The following TYR variants were observed in gnomAD, a reference collection of about 807,000 sequenced individuals.
TYR encodes tyrosinase.
A neutral mutation model predicts 51.5 loss-of-function variants in TYR; 58 were observed. The ratio of observed to expected loss-of-function variants is 1.13; its 90% CI spans 0.91 to 1.40. TYR has a LOEUF of 1.40. TYR is among the 40% of genes most tolerant of loss of function. The probability of loss-of-function intolerance (pLI) is 0.00; values close to 1 mark genes in which losing one functional copy is unlikely to be tolerated. For missense variants in TYR, 732 were observed against 647.4 expected (o/e 1.13, Z -1.42); for synonymous variants, 263 against 235.2 (o/e 1.12, Z -1.08).
At chr11:89,261,783 A>T (rs1410468438) in intron 3 of TYR, among the ~76,000 whole-genome samples, 1 of 152,124 alleles carries the variant, frequency 6.6e-6, no homozygotes, top group Non-Finnish European at 1.5e-5. Flanking sequence ...ATTTTCCAGG[A>T]TTAATTACAT....
At chr11:89,192,664 A>G (rs561417356) in intron 2 of TYR, among the ~76,000 whole-genome samples, 1 of 152,256 alleles carries the variant, frequency 6.6e-6, no homozygotes, top group Non-Finnish European at 1.5e-5. Context: ...CTAAAGATGA[A>G]TTCTGTTTTC....
intron 3 of TYR, among the ~76,000 whole-genome samples, chr11:89,252,887 G>A (rs1352127050): frequency 6.6e-6 from 1 of 151,688 alleles, no homozygotes; most frequent in Non-Finnish European, 1.5e-5. Flanking sequence ...TATAGAAACA[G>A]TCTCATACAG....
intron 1 of TYR, among the ~76,000 whole-genome samples, chr11:89,186,408 C>T (rs1458353546): frequency 7.2e-5 from 11 of 152,126 alleles, no homozygotes; most frequent in Non-Finnish European, 1.6e-4. Flanking sequence ...ATGCATCCTG[C>T]AGACCTTTTG....
chr11:89,178,021 C>A lies in TYR; in HGVS notation c.68C>A (p.Ala23Asp). The change falls in exon 1 of 5, where the codon GCC becomes GAC. Residue 23 changes from alanine to aspartate, a missense_variant. Transcript: ENST00000263321. ...ACCTCCGCTGGCCATTTCCCTAGAG[C>A]CTGTGTCTCCTCTAAGAACCTGATG... ...FQTSAGHFPR[A>D]CVSSKNLMEK... 6.2e-7 allele frequency: 1 copy of A among 1,614,182 alleles called. No individual in the cohort carries two copies.
chr11:89,219,915 A>C (rs965815819), intron 2 of TYR, among the ~76,000 whole-genome samples: 2 of 152,202 alleles, frequency 1.3e-5, no homozygotes, highest in Non-Finnish European at 2.9e-5. Flanking sequence ...GGATATGACA[A>C]GAATTAAAGG....
At chr11:89,196,532 T>C (rs1250285035) in intron 2 of TYR, among the ~76,000 whole-genome samples, 1 of 152,172 alleles carries the variant, frequency 6.6e-6, no homozygotes, top group Non-Finnish European at 1.5e-5. Flanking sequence ...GCTGACAGAC[T>C]GATAAATCAA....
At chr11:89,189,014 C>T (rs543781509) in intron 1 of TYR, among the ~76,000 whole-genome samples, 2 of 152,186 alleles carry the variant, frequency 1.3e-5, no homozygotes, top group South Asian at 2.1e-4. Flanking sequence ...GAACAACATC[C>T]TGTTGTCAGC....
At chr11:89,217,116 T>C (rs375097514) in intron 2 of TYR, among the ~76,000 whole-genome samples, 3 of 152,214 alleles carry the variant, frequency 2.0e-5, no homozygotes, top group African/African-American at 7.2e-5. Flanking sequence ...TCTGTCACAG[T>C]GTTGTTTTAA....
chr11:89,242,994 GC>G (rs1944219096), intron 3 of TYR, among the ~76,000 whole-genome samples: 1 of 152,140 alleles, frequency 6.6e-6, no homozygotes, highest in Admixed American at 6.6e-5. Flanking sequence ...ACCTTTGTCA[GC>G]GTGTTGGAAG....
chr11:89,288,049 G>C (rs774318529), intron 4 of TYR, among the ~76,000 whole-genome samples: 6 of 151,908 alleles, frequency 3.9e-5, no homozygotes, highest in Non-Finnish European at 8.8e-5. Context: ...AGCAAAGAAA[G>C]ACATGGAGGA....
chr11:89,287,539 C>G (rs1258937364), intron 4 of TYR, among the ~76,000 whole-genome samples: 1 of 151,836 alleles, frequency 6.6e-6, no homozygotes, highest in Non-Finnish European at 1.5e-5. Flanking sequence ...AAGATCTTAA[C>G]TGCTTGCTGA....
chr11:89,224,033 C>A (rs1346516617), intron 2 of TYR, among the ~76,000 whole-genome samples: 3 of 151,742 alleles, frequency 2.0e-5, no homozygotes, highest in Non-Finnish European at 4.4e-5. Context: ...GTCCATTCTA[C>A]TTCCTAAGAC....
chr11:89,267,814 G>T (rs1201364484), intron 3 of TYR, among the ~76,000 whole-genome samples: 4 of 150,706 alleles, frequency 2.7e-5, no homozygotes, highest in Non-Finnish European at 4.4e-5. Context: ...CTGAGTGTAT[G>T]TGTGTGTGTG....
intron 2 of TYR, among the ~76,000 whole-genome samples, chr11:89,212,738 C>G (rs1165249783): frequency 6.6e-6 from 1 of 152,124 alleles, no homozygotes; most frequent in East Asian, 1.9e-4. Flanking sequence ...AGCTTATCCA[C>G]CACAATCAAG....
In TYR at chr11:89,178,378, A is replaced by C. The variant is rs754250982; in HGVS notation, c.425A>C (p.Lys142Thr). 1 of 1,614,166 alleles carries C rather than the reference A, an allele frequency of 6.2e-7. No individual in the cohort carries two copies. The highest frequency in any genetic ancestry group is 8.5e-7 in the Non-Finnish European group (1 of 1,180,028). Reference protein sequence around the residue: ...DKFFAYLTLAKHTISSDYVIP... With the variant: ...DKFFAYLTLATHTISSDYVIP... ...TTTTTTGCCTACCTCACTTTAGCAA[A>C]GCATACCATCAGCTCAGACTATGTC... Residue 142 changes from lysine to threonine, a missense_variant, in exon 1 of 5, where the codon AAG (lysine) becomes ACG (threonine). Coordinates refer to ENST00000263321, the MANE Select transcript of TYR (RefSeq NM_000372.5).
In TYR at chr11:89,240,107, G is replaced by T. The variant is rs1409978530; in HGVS notation, c.1184+12137G>T. 6.6e-5 allele frequency among the ~76,000 whole-genome samples: 10 copies of T among 152,130 alleles called. No individual in the cohort carries two copies. The South Asian group carries it at 2.1e-3, about 32-fold the overall frequency. On this transcript the variant is annotated intron_variant, in intron 3 of 4. Transcript: ENST00000263321. ...TCTATTGAGTAGGGTGGGGTGGAGG[G>T]AGAGCATCAGGATGAATAGCTAATG...
At chr11:89,221,989 A>T (rs1051008779) in intron 2 of TYR, among the ~76,000 whole-genome samples, 6 of 152,244 alleles carry the variant, frequency 3.9e-5, no homozygotes, top group African/African-American at 1.4e-4. Flanking sequence ...TTATGTGCCA[A>T]TGCCTAGCCA....
At chr11:89,201,358 C>T (rs564147370) in intron 2 of TYR, among the ~76,000 whole-genome samples, 1 of 152,144 alleles carries the variant, frequency 6.6e-6, no homozygotes, top group African/African-American at 2.4e-5. Flanking sequence ...AAAATGATTT[C>T]CTGTGGGAAA....
chr11:89,294,386 T>C (rs2135331932), intron 4 of TYR: 2 of 153,016 alleles, frequency 1.3e-5, no homozygotes, highest in East Asian at 3.8e-4. Context: ...CTTACATATA[T>C]CGGCTCCCCT....
Sources: allele counts gnomAD v4.1 joint callset (sites outside exome capture counted in the v4.1 genomes callset), GRCh38; gene constraint gnomAD v4.1.1; transcripts MANE v1.5; gene names NCBI Gene and HGNC (gene_info 2026-07-23, HGNC 2026-07-21).